The following TRAM2 variants were observed in gnomAD, a reference collection of about 807,000 sequenced individuals.
TRAM2 encodes translocating chain-associated membrane protein 2.
TRAM2 carries 12 observed loss-of-function variants against 51.0 expected under a neutral mutation model. That is an observed-to-expected ratio of 0.24 (90% CI 0.15 to 0.38). The LOEUF is 0.38. Among genes scored for constraint, TRAM2 ranks in the 10% least tolerant of loss-of-function variants. The pLI is 1.00. For synonymous variants in TRAM2, 175 were observed against 179.4 expected (o/e 0.98, Z 0.20); for missense variants, 361 against 462.0 (o/e 0.78, Z 2.00).
At chr6:52,560,136 C>T (rs950930802) in intron 1 of TRAM2, among the ~76,000 whole-genome samples, 2 of 151,604 alleles carry the variant, frequency 1.3e-5, no homozygotes, top group African/African-American at 2.4e-5. Flanking sequence ...CCAGCTACTT[C>T]GGGAGGCTGA....
chr6:52,541,205 A>T (rs1767074282), intron 1 of TRAM2, among the ~76,000 whole-genome samples: 1 of 152,196 alleles, frequency 6.6e-6, no homozygotes, highest in Non-Finnish European at 1.5e-5. Context: ...TCACCTCTCT[A>T]GACCCCAGTT....
At position 52,562,386 on chromosome 6, in the gene TRAM2, A is replaced by G. The variant is rs550531296; in HGVS notation, c.120+14410T>C. ...AACAGCTGGCCAAGTGAAAATAGGAAGCATGTCCCGAGTAACTTGTATGAG... is the reference window on the plus strand; with the variant it reads ...AACAGCTGGCCAAGTGAAAATAGGAGGCATGTCCCGAGTAACTTGTATGAG... On this transcript the variant is annotated intron_variant, in intron 1 of 10. Coordinates refer to ENST00000182527, the MANE Select transcript of TRAM2 (RefSeq NM_012288.4). 9.4e-4 allele frequency among the ~76,000 whole-genome samples: 143 copies of G among 152,280 alleles called. 1 individual carries two copies. Among genetic ancestry groups the G allele is most frequent in the Non-Finnish European group, 1.1e-3 (75 of 68,014 alleles).
chr6:52,548,316 A>G (rs917072061), intron 1 of TRAM2, among the ~76,000 whole-genome samples: 2 of 152,244 alleles, frequency 1.3e-5, no homozygotes, highest in Non-Finnish European at 2.9e-5. Flanking sequence ...ACTGCAAGCC[A>G]GGCAAGGTAA....
chr6:52,522,864 T>G, intron 2 of TRAM2: 1 of 701,720 alleles, frequency 1.4e-6, no homozygotes, highest in South Asian at 1.5e-5. Context: ...CTAATAGATA[T>G]TTTCCTGTTT....
At chr6:52,561,400 A>T (rs1223077076) in intron 1 of TRAM2, among the ~76,000 whole-genome samples, 1 of 152,074 alleles carries the variant, frequency 6.6e-6, no homozygotes, top group Non-Finnish European at 1.5e-5. Context: ...CTCCTGCCTC[A>T]GCCTCCCAAG....
At chr6:52,558,387 C>T (rs1034679176) in intron 1 of TRAM2, among the ~76,000 whole-genome samples, 1 of 152,138 alleles carries the variant, frequency 6.6e-6, no homozygotes, top group African/African-American at 2.4e-5. Context: ...TATCTGTCTT[C>T]CCCATTAGAC....
chr6:52,516,467 G>C, intron 3 of TRAM2, 161 bp downstream of exon 3: 1 of 642,052 alleles, frequency 1.6e-6, no homozygotes, highest in African/African-American at 1.8e-5. Context: ...GCTGTGAACA[G>C]AAACCAAAGT....
intron 1 of TRAM2, among the ~76,000 whole-genome samples, chr6:52,549,114 G>A (rs111865659): frequency 6.6e-6 from 1 of 152,142 alleles, no homozygotes; most frequent in Non-Finnish European, 1.5e-5. Context: ...ACGGCTTTAC[G>A]GGGGCTGTCC....
chr6:52,566,334 T>C (rs1405705496), intron 1 of TRAM2, among the ~76,000 whole-genome samples: 1 of 152,104 alleles, frequency 6.6e-6, no homozygotes, highest in Non-Finnish European at 1.5e-5. Context: ...GCCTTGCAGT[T>C]TCTGAAGTCT....
chr6:52,530,899 CA>C (rs1318373561), intron 2 of TRAM2, among the ~76,000 whole-genome samples: 1 of 152,056 alleles, frequency 6.6e-6, no homozygotes, highest in African/African-American at 2.4e-5. Flanking sequence ...TACAGCAAAA[CA>C]AAACCATCAA....
chr6:52,533,201 T>C (rs1766923215), intron 2 of TRAM2, among the ~76,000 whole-genome samples: 1 of 152,194 alleles, frequency 6.6e-6, no homozygotes, highest in Admixed American at 6.5e-5. Flanking sequence ...AATGTGAATG[T>C]ACCTAATGCC....
chr6:52,509,716 G>T, intron 4 of TRAM2, 130 bp from the exon 5 acceptor site: 1 of 772,114 alleles, frequency 1.3e-6, no homozygotes, highest in Non-Finnish European at 2.1e-6. Context: ...CAGGAAATGT[G>T]AAAACAGAGA....
intron 2 of TRAM2, among the ~76,000 whole-genome samples, chr6:52,530,709 T>C (rs1042073000): frequency 2.6e-5 from 4 of 152,130 alleles, no homozygotes; most frequent in African/African-American, 9.7e-5. Flanking sequence ...CCCAGAGCCT[T>C]CCAAGGAGCG....
At chr6:52,523,786 G>A (rs1220478285) in intron 2 of TRAM2, 3 of 152,224 alleles carry the variant, frequency 2.0e-5, no homozygotes, top group Non-Finnish European at 4.4e-5. Flanking sequence ...GTTTTTAATG[G>A]TAAATGAATG....
intron 2 of TRAM2, among the ~76,000 whole-genome samples, chr6:52,518,372 C>T (rs114523347): frequency 4.1e-4 from 62 of 152,250 alleles, no homozygotes; most frequent in African/African-American, 1.3e-3. Context: ...GGCTGCTGTG[C>T]GTGGCCTTGT....
chr6:52,514,781 G>C (rs771627626), intron 4 of TRAM2, among the ~76,000 whole-genome samples: 3 of 152,188 alleles, frequency 2.0e-5, no homozygotes, highest in Non-Finnish European at 2.9e-5. Context: ...TTAGGCCTCC[G>C]GGGGTGGGCA....
intron 1 of TRAM2, among the ~76,000 whole-genome samples, chr6:52,571,746 G>T (rs955225073): frequency 6.6e-6 from 1 of 152,198 alleles, no homozygotes; most frequent in African/African-American, 2.4e-5. Flanking sequence ...TGGGGGAAAA[G>T]TCTCCATCTC....
chr6:52,504,390 A>C (rs1581866251), intron 10 of TRAM2, among the ~76,000 whole-genome samples: 1 of 152,170 alleles, frequency 6.6e-6, no homozygotes, highest in Non-Finnish European at 1.5e-5. Context: ...GGCCAGCCCC[A>C]CCCACAGCCT....
At chr6:52,521,459 C>T (rs1347890253) in intron 2 of TRAM2, among the ~76,000 whole-genome samples, 1 of 151,414 alleles carries the variant, frequency 6.6e-6, no homozygotes, top group African/African-American at 2.4e-5. Flanking sequence ...TTTGGGAGGC[C>T]GAGGCAGGCG....
Sources: gnomAD v4.1 joint callset for allele counts (sites outside exome capture counted in the v4.1 genomes callset) on GRCh38, gnomAD v4.1.1 for gene constraint, MANE v1.5 for transcripts, NCBI Gene and HGNC (gene_info 2026-07-23, HGNC 2026-07-21) for gene names.